Variants in PACS1 observed in about 807,000 individuals in gnomAD.
The protein encoded by PACS1 is PACS-1.
PACS1 carries 24 observed loss-of-function variants against 115.0 expected under a neutral mutation model. The ratio of observed to expected loss-of-function variants is 0.21; its 90% CI spans 0.15 to 0.29. The LOEUF (loss-of-function observed/expected upper bound fraction) is 0.29. Among genes scored for constraint, PACS1 ranks in the 10% least tolerant of loss-of-function variants. The probability of loss-of-function intolerance (pLI) is 1.00; values close to 1 mark genes in which losing one functional copy is unlikely to be tolerated. For missense variants in PACS1, 838 were observed against 1,251.2 expected, an observed-to-expected ratio of 0.67 and a Z score of 4.98; for synonymous variants, 453 against 504.5, an observed-to-expected ratio of 0.90 and a Z score of 1.37.
rs755634064 is a variant in PACS1, at chr11:66,241,661, C to G, written c.2656+8C>G. On this transcript the variant is annotated splice_region_variant and intron_variant, in intron 22 of 23. Coordinates refer to ENST00000320580, the MANE Select transcript of PACS1 (RefSeq NM_018026.4). ...AAGAAAAGAACAAGAAAGGTAAGTA[C>G]CCCCAAGGCCGGGGAAGACCATGGG... 1 of 1,604,504 alleles carries G rather than the reference C, an allele frequency of 6.2e-7. No homozygotes were observed. The highest frequency in any genetic ancestry group is 1.7e-5 in the Admixed American group (1 of 59,856).
chr11:66,206,509 C>T (rs2134693193), intron 2 of PACS1, among the ~76,000 whole-genome samples: 1 of 152,294 alleles, frequency 6.6e-6, no homozygotes, highest in South Asian at 2.1e-4. Context: ...CATCCTGCTA[C>T]CTGCACACGC....
chr11:66,112,182 A>G (rs150397225), intron 1 of PACS1, among the ~76,000 whole-genome samples: 458 of 152,182 alleles, frequency 3.0e-3, no homozygotes, highest in Non-Finnish European at 5.3e-3. Context: ...TCACCTGCCT[A>G]ATCCCCTCCA....
At chr11:66,224,142 G>A (rs567742094) in intron 10 of PACS1, among the ~76,000 whole-genome samples, 32 of 133,012 alleles carry the variant, frequency 2.4e-4, no homozygotes, top group Non-Finnish European at 4.7e-4. Flanking sequence ...GTTGCATTGA[G>A]CCAAGATCCC....
chr11:66,161,403 A>C (rs1460954240), intron 1 of PACS1, among the ~76,000 whole-genome samples: 2 of 151,664 alleles, frequency 1.3e-5, no homozygotes, highest in African/African-American at 4.9e-5. Context: ...CAGTGAGCCG[A>C]GATCACACTG....
intron 1 of PACS1, among the ~76,000 whole-genome samples, chr11:66,119,942 T>G (rs1442240483): frequency 1.3e-5 from 2 of 152,030 alleles, no homozygotes; most frequent in East Asian, 3.9e-4. Flanking sequence ...GTGGAAGGAG[T>G]GACCTCAGTG....
At chr11:66,136,477 G>A (rs755183062) in intron 1 of PACS1, among the ~76,000 whole-genome samples, 6 of 144,370 alleles carry the variant, frequency 4.2e-5, no homozygotes, top group East Asian at 1.9e-4. Flanking sequence ...TAGGAGTGAT[G>A]AGCACCATGG....
intron 1 of PACS1, among the ~76,000 whole-genome samples, chr11:66,127,538 G>T (rs954756774): frequency 1.3e-5 from 2 of 152,208 alleles, no homozygotes; most frequent in Non-Finnish European, 2.9e-5. Context: ...CTTCTTCTCT[G>T]TGTAACTGGG....
intron 1 of PACS1, among the ~76,000 whole-genome samples, chr11:66,154,707 A>G (rs1239786837): frequency 6.6e-6 from 1 of 152,238 alleles, no homozygotes; most frequent in Non-Finnish European, 1.5e-5. Flanking sequence ...ATTAGTATAA[A>G]TAGGCTCGTG....
At chr11:66,198,343 G>C (rs1486842694) in intron 2 of PACS1, among the ~76,000 whole-genome samples, 2 of 152,224 alleles carry the variant, frequency 1.3e-5, no homozygotes, top group Non-Finnish European at 2.9e-5. Flanking sequence ...GAGCTAAAAA[G>C]TAGAAACAAT....
intron 1 of PACS1, among the ~76,000 whole-genome samples, chr11:66,136,758 TTAA>T (rs1340771665): frequency 2.0e-5 from 3 of 152,104 alleles, no homozygotes; most frequent in Non-Finnish European, 4.4e-5. Context: ...GCCCGAATTA[TTAA>T]TAAGTTCTCT....
intron 1 of PACS1, among the ~76,000 whole-genome samples, chr11:66,078,610 C>T (rs539548679): frequency 2.0e-5 from 3 of 152,336 alleles, no homozygotes; most frequent in Admixed American, 6.5e-5. Flanking sequence ...AATGCAGTGG[C>T]ATGAACACAG....
At chr11:66,182,566 G>A (rs910568671) in intron 1 of PACS1, among the ~76,000 whole-genome samples, 2 of 151,840 alleles carry the variant, frequency 1.3e-5, no homozygotes, top group Non-Finnish European at 2.9e-5. Flanking sequence ...AGGTTCATGT[G>A]AGCCTCTCAC....
At chr11:66,160,663 ATTTTTTTTTT>A (rs58145434) in intron 1 of PACS1, among the ~76,000 whole-genome samples, 1 of 116,194 alleles carries the variant, frequency 8.6e-6, no homozygotes, top group African/African-American at 3.5e-5. Context: ...TGCCTGGCTG[ATTTTTTTTTT>A]TTTTTTTTTT....
At position 66,128,611 on chromosome 11, in the gene PACS1, C is replaced by T. The variant is rs202012991; in HGVS notation, c.356+57769C>T. Among the ~76,000 whole-genome samples the T allele has an allele frequency of 2.8e-4, 42 of 152,244 alleles. No homozygotes were observed. The East Asian group carries it at 6.5e-3, about 24-fold the overall frequency. On this transcript the variant is annotated intron_variant, in intron 1 of 23. Coordinates refer to ENST00000320580, the MANE Select transcript of PACS1 (RefSeq NM_018026.4). Reference sequence around the variant, plus strand: ...TTAACAAGTGAGTGAGGGCTGGGCACAGTGGCTCATGCCTGTAATCCCAGC... The same window carrying T: ...TTAACAAGTGAGTGAGGGCTGGGCATAGTGGCTCATGCCTGTAATCCCAGC...
intron 2 of PACS1, among the ~76,000 whole-genome samples, chr11:66,197,806 A>C (rs935416869): frequency 1.3e-5 from 2 of 152,232 alleles, no homozygotes; most frequent in African/African-American, 4.8e-5. Context: ...AATAAAAAAT[A>C]AAAAATAAAT....
intron 4 of PACS1, among the ~76,000 whole-genome samples, chr11:66,211,482 CA>C (rs1161034440): frequency 6.6e-6 from 1 of 152,056 alleles, no homozygotes; most frequent in Non-Finnish European, 1.5e-5. Flanking sequence ...AGGTAAAACT[CA>C]AAAAATTACA....
chr11:66,091,593 C>A (rs1328539995), intron 1 of PACS1, among the ~76,000 whole-genome samples: 2 of 149,076 alleles, frequency 1.3e-5, no homozygotes, highest in Non-Finnish European at 3.0e-5. Context: ...CATATGTATA[C>A]ATGTGCCATG....
chr11:66,222,975 G>GC (rs1565153690), intron 10 of PACS1, among the ~76,000 whole-genome samples: 1 of 138,324 alleles, frequency 7.2e-6, no homozygotes, highest in Non-Finnish European at 1.5e-5. Context: ...CCCCAGCCCT[G>GC]CCCCTGCAGA....
chr11:66,188,066 A>G (rs1003491444), intron 1 of PACS1, among the ~76,000 whole-genome samples: 1 of 149,782 alleles, frequency 6.7e-6, no homozygotes, highest in Admixed American at 6.7e-5. Context: ...ATGATTAGGG[A>G]TGTTGAATTT....
Sources: allele counts gnomAD v4.1 joint callset (sites outside exome capture counted in the v4.1 genomes callset), GRCh38; gene constraint gnomAD v4.1.1; transcripts MANE v1.5; gene names NCBI Gene and HGNC (gene_info 2026-07-23, HGNC 2026-07-21).